Variants in CNTN4 observed in about 807,000 individuals in gnomAD.
CNTN4 encodes contactin-4.
Under a neutral mutation model 122.5 loss-of-function variants are expected in CNTN4, and 77 were observed. That is an observed-to-expected ratio of 0.63 (90% CI 0.52 to 0.76). The LOEUF (loss-of-function observed/expected upper bound fraction) is 0.76. Among genes scored for constraint, CNTN4 ranks in the 30% least tolerant of loss-of-function variants. CNTN4 has a pLI of 0.00. For synonymous variants in CNTN4, 512 were observed against 447.0 expected (o/e 1.15, Z -1.83); for missense variants, 1,256 against 1,259.1 (o/e 1.00, Z 0.04).
In CNTN4 at chr3:3,053,791, C is replaced by A; in HGVS notation, c.2812-16C>A. On this transcript the variant is annotated splice_polypyrimidine_tract_variant and intron_variant, in intron 23 of 24. Transcript: ENST00000418658. ...GTGAAGACGGCAGGTGACACCTGTT[C>A]TTTCTGTATTGGCAGGTCTTGTACA... 1 of 1,613,962 alleles carries A rather than the reference C, an allele frequency of 6.2e-7. No homozygotes were observed. Among genetic ancestry groups the A allele is most frequent in the South Asian group, 1.1e-5 (1 of 91,084 alleles).
intron 5 of CNTN4, among the ~76,000 whole-genome samples, chr3:2,745,257 G>T (rs1364342821): frequency 6.6e-6 from 1 of 152,158 alleles, no homozygotes; most frequent in East Asian, 1.9e-4. Context: ...TGAAGTGTTT[G>T]TAGCATCATA....
chr3:2,911,315 G>A (rs1017412175), intron 12 of CNTN4, among the ~76,000 whole-genome samples: 2 of 152,158 alleles, frequency 1.3e-5, no homozygotes, highest in African/African-American at 4.8e-5. Flanking sequence ...CACAGTACCT[G>A]ATAAAGACAC....
At chr3:2,591,198 C>A (rs1217140815) in intron 4 of CNTN4, among the ~76,000 whole-genome samples, 1 of 152,142 alleles carries the variant, frequency 6.6e-6, no homozygotes, top group African/African-American at 2.4e-5. Flanking sequence ...ATTGCTACAT[C>A]TCCATGATCA....
intron 2 of CNTN4, among the ~76,000 whole-genome samples, chr3:2,101,491 ATTATT>A (rs1170018716): frequency 1.3e-5 from 2 of 152,182 alleles, no homozygotes; most frequent in African/African-American, 4.8e-5. Context: ...TTGCTTTTAT[ATTATT>A]TTAGTTGAAT....
rs561327143 is a variant in CNTN4, at chr3:2,198,733, TC to T, written c.-145+98095del. Among the ~76,000 whole-genome samples, 630 of 152,308 alleles carry T rather than the reference TC, an allele frequency of 4.1e-3. 2 individuals carry two copies. Among genetic ancestry groups the T allele is most frequent in the South Asian group, 0.024 (117 of 4,830 alleles). On this transcript the variant is annotated intron_variant, in intron 2 of 24. Transcript: ENST00000418658. ...ATCTGCTTCATTTTGAATTTCATTT[TC>T]AAAGCTATTTCTTTTTCAGGCTGCC...
chr3:2,936,273 G>C (rs752088433), intron 13 of CNTN4, among the ~76,000 whole-genome samples: 2 of 152,142 alleles, frequency 1.3e-5, no homozygotes, highest in Non-Finnish European at 2.9e-5. Flanking sequence ...AGATCCAGTG[G>C]TTGTTCCCAA....
intron 3 of CNTN4, among the ~76,000 whole-genome samples, chr3:2,570,252 C>A (rs148413037): frequency 6.6e-6 from 1 of 152,166 alleles, no homozygotes; most frequent in African/African-American, 2.4e-5. Flanking sequence ...TGGCTCACTG[C>A]AGCCTCGAAC....
chr3:2,677,753 T>C (rs946867869), intron 4 of CNTN4, among the ~76,000 whole-genome samples: 4 of 151,994 alleles, frequency 2.6e-5, no homozygotes, highest in African/African-American at 7.3e-5. Flanking sequence ...ACTTTTAAAA[T>C]AGTTGATTCT....
intron 4 of CNTN4, among the ~76,000 whole-genome samples, chr3:2,635,147 G>A (rs757466356): frequency 2.6e-5 from 4 of 151,840 alleles, no homozygotes; most frequent in Admixed American, 6.6e-5. Flanking sequence ...CACTCTCTAC[G>A]CACCTGTTCA....
At chr3:2,409,138 A>T (rs565419521) in intron 3 of CNTN4, among the ~76,000 whole-genome samples, 3 of 152,116 alleles carry the variant, frequency 2.0e-5, no homozygotes, top group African/African-American at 7.2e-5. Context: ...ATCTTCTAAA[A>T]TTTTATTAAT....
At chr3:2,184,670 C>T (rs188431488) in intron 2 of CNTN4, among the ~76,000 whole-genome samples, 193 of 152,172 alleles carry the variant, frequency 1.3e-3, no homozygotes, top group African/African-American at 4.5e-3. Context: ...CTTGATGGGG[C>T]GAGTTACCCC....
At chr3:2,368,957 C>G (rs938437916) in intron 3 of CNTN4, among the ~76,000 whole-genome samples, 1 of 152,196 alleles carries the variant, frequency 6.6e-6, no homozygotes, top group African/African-American at 2.4e-5. Context: ...TGGAGTCTCA[C>G]TCTGTTGCCC....
chr3:2,407,405 G>A (rs375062128), intron 3 of CNTN4, among the ~76,000 whole-genome samples: 1 of 151,614 alleles, frequency 6.6e-6, no homozygotes, highest in African/African-American at 2.4e-5. Flanking sequence ...TTTTGTTTTG[G>A]CTAATCAGTT....
At chr3:2,354,473 G>T (rs768580028) in intron 3 of CNTN4, among the ~76,000 whole-genome samples, 3 of 152,164 alleles carry the variant, frequency 2.0e-5, no homozygotes, top group East Asian at 1.9e-4. Context: ...GGAGGTTACC[G>T]TGAGCCCAGA....
chr3:2,920,642 C>T (rs142596815), intron 12 of CNTN4, among the ~76,000 whole-genome samples: 1 of 151,876 alleles, frequency 6.6e-6, no homozygotes, highest in African/African-American at 2.4e-5. Flanking sequence ...AAGAAAAGTC[C>T]GTGATAATGG....
chr3:2,328,665 A>G (rs900050712), intron 2 of CNTN4, among the ~76,000 whole-genome samples: 83 of 72,680 alleles, frequency 1.1e-3, no homozygotes, highest in Middle Eastern at 6.5e-3. Flanking sequence ...TAATGTTTGG[A>G]AAAAAAAAAC....
chr3:2,811,144 T>C (rs1357875080), intron 6 of CNTN4, among the ~76,000 whole-genome samples: 1 of 152,098 alleles, frequency 6.6e-6, no homozygotes, highest in Admixed American at 6.5e-5. Context: ...GTGCGGTGGC[T>C]CACACCTGTA....
chr3:2,161,219 G>A (rs1044991137), intron 2 of CNTN4, among the ~76,000 whole-genome samples: 22 of 152,092 alleles, frequency 1.4e-4, no homozygotes, highest in African/African-American at 5.1e-4. Context: ...AGGGGATGCT[G>A]GAGGATAAGG....
chr3:3,056,312 C>A lies in CNTN4; in HGVS notation c.*92C>A. 2.1e-6 allele frequency: 2 copies of A among 937,924 alleles called. No homozygotes were observed. The highest frequency in any genetic ancestry group is 1.8e-5 in the Admixed American group (1 of 55,836). The allele number at this position is 937,924 out of a possible 1,614,324, so 58.1% of individuals were successfully genotyped here. ...CCCAGTACTAAGTAATATTGTTGTT[C>A]AAGTACATCTTATTACTGGAATAAA... On this transcript the variant is annotated 3_prime_UTR_variant, in exon 25 of 25. Coordinates refer to ENST00000418658, the MANE Select transcript of CNTN4 (RefSeq NM_175607.3).
Sources: allele counts gnomAD v4.1 joint callset (sites outside exome capture counted in the v4.1 genomes callset), GRCh38; gene constraint gnomAD v4.1.1; transcripts MANE v1.5; gene names NCBI Gene and HGNC (gene_info 2026-07-23, HGNC 2026-07-21).